The following AFF1 variants were observed in gnomAD, a reference collection of about 807,000 sequenced individuals.
The protein encoded by AFF1 is ALF transcription elongation factor 1.
In AFF1, 48 loss-of-function variants were observed where a neutral mutation model predicts 121.7. The observed-to-expected ratio is 0.39, with a 90% confidence interval of 0.31 to 0.50. AFF1 has a LOEUF of 0.50. Among genes scored for constraint, AFF1 ranks in the 20% least tolerant of loss-of-function variants. The pLI is 0.76. For synonymous variants in AFF1, 613 were observed against 563.0 expected, an observed-to-expected ratio of 1.09 and a Z score of -1.26; for missense variants, 1,523 against 1,511.7, an observed-to-expected ratio of 1.01 and a Z score of -0.12.
chr4:87,064,532 A>C (rs1370224012), intron 4 of AFF1, among the ~76,000 whole-genome samples: 1 of 152,216 alleles, frequency 6.6e-6, no homozygotes, highest in Non-Finnish European at 1.5e-5. Context: ...CCTCGAGCCC[A>C]GGAGTTTGAG....
In AFF1 at chr4:87,047,627, A is replaced by G. The variant is rs745563405; in HGVS notation, c.1059+33A>G. On this transcript the variant is annotated intron_variant, in intron 4 of 20. Transcript: ENST00000395146. ...GAATTTCTTATCTTGGGGAATTCCAATTCGAAGACGGATTTGAGATGAAAA... is the reference window on the plus strand; with the variant it reads ...GAATTTCTTATCTTGGGGAATTCCAGTTCGAAGACGGATTTGAGATGAAAA... 25 of 1,613,022 alleles carry G rather than the reference A, an allele frequency of 1.5e-5. No homozygotes were observed. The Admixed American group carries it at 1.7e-4, about 11-fold the overall frequency.
At chr4:87,069,922 G>A (rs1721841296) in intron 4 of AFF1, among the ~76,000 whole-genome samples, 2 of 148,816 alleles carry the variant, frequency 1.3e-5, no homozygotes. Context: ...CCCTGTTCAA[G>A]CAATTCTCCT....
At chr4:86,955,274 A>C (rs1721658394) in intron 2 of AFF1, among the ~76,000 whole-genome samples, 1 of 152,248 alleles carries the variant, frequency 6.6e-6, no homozygotes, top group Non-Finnish European at 1.5e-5. Context: ...CGTCAACTCA[A>C]ATACCACTTG....
chr4:87,049,587 TG>T, intron 4 of AFF1: 4 of 430,874 alleles, frequency 9.3e-6, no homozygotes, highest in Admixed American at 2.6e-5. Flanking sequence ...GTTTTTTTTT[TG>T]GCACCAGTGC....
intron 2 of AFF1, among the ~76,000 whole-genome samples, chr4:87,010,656 T>TG (rs1726644305): frequency 6.6e-6 from 1 of 151,774 alleles, no homozygotes; most frequent in African/African-American, 2.4e-5. Context: ...TACTGAGGAG[T>TG]GGTGTTGATG....
intron 4 of AFF1, among the ~76,000 whole-genome samples, chr4:87,059,533 G>C (rs1418963874): frequency 2.0e-5 from 3 of 152,062 alleles, no homozygotes; most frequent in African/African-American, 7.3e-5. Context: ...CTGTTTTCCT[G>C]CTTCTCAGTA....
intron 11 of AFF1, 96 bp downstream of exon 11, chr4:87,108,411 TGA>T: frequency 7.5e-7 from 1 of 1,329,052 alleles, no homozygotes; most frequent in Non-Finnish European, 1.0e-6. Context: ...ACCATGAGAC[TGA>T]GTCATTCTGT....
intron 2 of AFF1, among the ~76,000 whole-genome samples, chr4:87,041,177 G>T (rs1039908722): frequency 6.6e-6 from 1 of 152,074 alleles, no homozygotes; most frequent in African/African-American, 2.4e-5. Flanking sequence ...CCACCTGGCC[G>T]CAAGTCAATC....
At chr4:87,006,785 C>T (rs180749908) in intron 2 of AFF1, among the ~76,000 whole-genome samples, 3 of 152,338 alleles carry the variant, frequency 2.0e-5, no homozygotes, top group Admixed American at 2.0e-4. Context: ...CTCGAGGAGC[C>T]CGCAGGCGGG....
At chr4:87,001,899 T>G (rs1208384297) in intron 2 of AFF1, among the ~76,000 whole-genome samples, 1 of 152,188 alleles carries the variant, frequency 6.6e-6, no homozygotes, top group Non-Finnish European at 1.5e-5. Context: ...CTTGGCAAAG[T>G]GATTTTAGCA....
chr4:86,955,462 TC>T (rs1476921149), intron 2 of AFF1, among the ~76,000 whole-genome samples: 3 of 152,222 alleles, frequency 2.0e-5, no homozygotes, highest in Non-Finnish European at 4.4e-5. Context: ...ACTAACATGT[TC>T]CCCTTCTTAC....
At chr4:86,940,823 C>A (rs1720403086) in intron 1 of AFF1, among the ~76,000 whole-genome samples, 2 of 151,930 alleles carry the variant, frequency 1.3e-5, no homozygotes, top group African/African-American at 2.4e-5. Context: ...CATGGTGGCT[C>A]ATGCCTCTAA....
At chr4:87,022,852 A>G (rs530422525) in intron 2 of AFF1, among the ~76,000 whole-genome samples, 7 of 151,574 alleles carry the variant, frequency 4.6e-5, no homozygotes, top group African/African-American at 1.7e-4. Context: ...GCATTGCCTC[A>G]ATAAGTAACG....
rs752114916 is a variant in AFF1 at position 87,047,492 on chromosome 4, A to G, written c.957A>G (p.Pro319=). The G allele has an allele frequency of 3.7e-6, 6 of 1,614,180 alleles. No individual in the cohort carries two copies. Among genetic ancestry groups the G allele is most frequent in the South Asian group, 1.1e-5 (1 of 91,086 alleles). Reference sequence around the variant, plus strand: ...CTAGTGAATCCCCTGAACTGAAACCACTGCCGGAGGACTATCGACAGCAGA... The same window carrying G: ...CTAGTGAATCCCCTGAACTGAAACCGCTGCCGGAGGACTATCGACAGCAGA... ...QAPSESPELK[P]LPEDYRQQTF... The change falls in exon 4 of 21, where the codon CCA becomes CCG. Residue 319 remains proline, a synonymous_variant. Transcript: ENST00000395146.
chr4:87,072,362 CAA>C (rs533054826), intron 4 of AFF1, among the ~76,000 whole-genome samples: 7,118 of 109,094 alleles, frequency 0.065, 328 homozygotes, highest in African/African-American at 0.16. Context: ...GACTCCGTCT[CAA>C]AAAAAAAAAA....
At chr4:87,082,753 T>G (rs1021317090) in intron 4 of AFF1, among the ~76,000 whole-genome samples, 1 of 152,166 alleles carries the variant, frequency 6.6e-6, no homozygotes, top group Non-Finnish European at 1.5e-5. Flanking sequence ...GACATTAGAT[T>G]CAATTACAGG....
At chr4:87,007,752 C>G (rs1726314103) in intron 2 of AFF1, among the ~76,000 whole-genome samples, 1 of 152,116 alleles carries the variant, frequency 6.6e-6, no homozygotes, top group Non-Finnish European at 1.5e-5. Context: ...CATTTAGATT[C>G]TTTGTGCGCC....
chr4:86,958,969 G>A (rs1461723920), intron 2 of AFF1, among the ~76,000 whole-genome samples: 3 of 152,144 alleles, frequency 2.0e-5, no homozygotes, highest in Non-Finnish European at 2.9e-5. Context: ...CTCAACGGAG[G>A]ACAATTTTGT....
chr4:87,077,336 G>A (rs1722768736), intron 4 of AFF1, among the ~76,000 whole-genome samples: 1 of 152,146 alleles, frequency 6.6e-6, no homozygotes, highest in African/African-American at 2.4e-5. Flanking sequence ...GTATTACGTA[G>A]GGTGTGCCCA....
Sources: allele counts gnomAD v4.1 joint callset (sites outside exome capture counted in the v4.1 genomes callset), GRCh38; gene constraint gnomAD v4.1.1; transcripts MANE v1.5; gene names NCBI Gene and HGNC (gene_info 2026-07-23, HGNC 2026-07-21).